The following TAF5L variants were observed in gnomAD, a reference collection of about 807,000 sequenced individuals.
The protein encoded by TAF5L is TAF5-like RNA polymerase II p300/CBP-associated factor-associated factor 65 kDa subunit 5L.
TAF5L carries 7 observed loss-of-function variants against 51.3 expected under a neutral mutation model. That is an observed-to-expected ratio of 0.14 (90% CI 0.08 to 0.26). The LOEUF (loss-of-function observed/expected upper bound fraction) is 0.26, where lower values mean the gene tolerates loss of function less well. Ranked by LOEUF, TAF5L falls within the 10% of genes least tolerant of loss-of-function variation. TAF5L has a pLI of 1.00. For missense variants in TAF5L, 575 were observed against 758.9 expected, an observed-to-expected ratio of 0.76 and a Z score of 2.85; for synonymous variants, 291 against 308.1, an observed-to-expected ratio of 0.94 and a Z score of 0.58.
chr1:229,596,971 C>G (rs3820358), intron 4 of TAF5L, among the ~76,000 whole-genome samples: 3 of 151,934 alleles, frequency 2.0e-5, no homozygotes, highest in Non-Finnish European at 2.9e-5. Flanking sequence ...ACACTGATGT[C>G]CATGAATATT....
intron 4 of TAF5L, among the ~76,000 whole-genome samples, chr1:229,598,617 T>C (rs1664222251): frequency 6.6e-6 from 1 of 151,862 alleles, no homozygotes; most frequent in South Asian, 2.1e-4. Flanking sequence ...TTGGTATCTC[T>C]GTGGTTTTGC....
chr1:229,593,230 T>C (rs535889775), exon 5 of TAF5L: 1 of 152,330 alleles, frequency 6.6e-6, no homozygotes, highest in African/African-American at 2.4e-5. Context: ...CCTCAGAGCA[T>C]AGTTTGATAT....
At chr1:229,620,873 C>T (rs1356855624) in intron 1 of TAF5L, among the ~76,000 whole-genome samples, 8 of 152,064 alleles carry the variant, frequency 5.3e-5, no homozygotes, top group Non-Finnish European at 1.0e-4. Flanking sequence ...AGGGATAAGA[C>T]GTTTTCCCAT....
intron 1 of TAF5L, among the ~76,000 whole-genome samples, chr1:229,621,824 A>G (rs1365389404): frequency 6.6e-6 from 1 of 152,230 alleles, no homozygotes; most frequent in Non-Finnish European, 1.5e-5. Context: ...GTTCATGAAT[A>G]TCTTAAACAC....
intron 1 of TAF5L, among the ~76,000 whole-genome samples, chr1:229,622,492 A>G (rs999339806): frequency 6.6e-6 from 1 of 152,242 alleles, no homozygotes; most frequent in Admixed American, 6.5e-5. Context: ...CTAAGCTTTG[A>G]GATTTGGAAT....
chr1:229,605,140 G>A (rs1664544324), intron 3 of TAF5L, among the ~76,000 whole-genome samples: 1 of 148,304 alleles, frequency 6.7e-6, no homozygotes, highest in Non-Finnish European at 1.5e-5. Context: ...TTTTTTTTTA[G>A]TAGAGATGAG....
chr1:229,602,113 T>G lies in TAF5L; in HGVS notation c.972+82A>C. The stretch of plus-strand genomic sequence containing the variant: ...TGATGAGGGAAACTAGGAAGTCCAT[T>G]CTAAGATATGTCGTGTTTGGTAAGG... On this transcript the variant is annotated intron_variant, in intron 4 of 4. Transcript: ENST00000258281. This position sits in a 1 kb window ranked among gnomAD's most constrained non-coding sequence, Gnocchi z 4.6. 6.5e-7 allele frequency: 1 copy of G among 1,539,380 alleles called. No homozygotes were observed. The highest frequency in any genetic ancestry group is 8.7e-7 in the Non-Finnish European group (1 of 1,144,412).
At chr1:229,614,408 T>C in exon 2 of TAF5L, 1 of 1,614,228 alleles carries the variant, frequency 6.2e-7, no homozygotes, top group Non-Finnish European at 8.5e-7. Context: ...GGGGACCATC[T>C]GAGTCCACGT....
At chr1:229,612,782 G>C (rs1487407352) in intron 2 of TAF5L, among the ~76,000 whole-genome samples, 1 of 152,142 alleles carries the variant, frequency 6.6e-6, no homozygotes, top group Non-Finnish European at 1.5e-5. Context: ...GCGGCTACTA[G>C]GATGGAGGAT....
chr1:229,625,624 C>T lies in TAF5L; in HGVS notation c.-4+261G>A, dbSNP rs919730540. On this transcript the variant is annotated intron_variant, in intron 1 of 4. Transcript: ENST00000258281. The surrounding 1 kb of genome is among the most constrained non-coding windows in gnomAD (Gnocchi z 4.0). Reference sequence around the variant, plus strand: ...CCTGCGCAGGAACGCGACGCCAGTCCAGGTGTAGCCGCCGACTGCAGGCCA... The same window carrying T: ...CCTGCGCAGGAACGCGACGCCAGTCTAGGTGTAGCCGCCGACTGCAGGCCA... 3.3e-5 allele frequency among the ~76,000 whole-genome samples: 5 copies of T among 151,602 alleles called. No individual in the cohort carries two copies. Among genetic ancestry groups the T allele is most frequent in the African/African-American group, 7.2e-5 (3 of 41,384 alleles).
At chr1:229,613,320 ACT>A (rs1326092522) in intron 2 of TAF5L, among the ~76,000 whole-genome samples, 1 of 130,838 alleles carries the variant, frequency 7.6e-6, no homozygotes, top group Non-Finnish European at 1.6e-5. Context: ...ATGGAGAGAG[ACT>A]CTGTCTCAAA....
rs34353010 is a variant in TAF5L at position 229,594,422 on chromosome 1, C to A, written c.1645G>T (p.Asp549Tyr). Residue 549 changes from aspartate to tyrosine, a missense_variant, in exon 5 of 5, where the codon GAC (aspartate) becomes TAC (tyrosine). Physicochemically the swap from Asp to Tyr is radical, Grantham distance 160. Transcript: ENST00000258281. The surrounding 1 kb of genome is among the most constrained non-coding windows in gnomAD (Gnocchi z 7.9). ...CCCACGAGCTCGCTGGAGGAGCCGTCGGCAGGTGCACTGCAGTAAGTGTTC... is the reference window on the plus strand; with the variant it reads ...CCCACGAGCTCGCTGGAGGAGCCGTAGGCAGGTGCACTGCAGTAAGTGTTC... 6.2e-7 allele frequency: 1 copy of A among 1,614,180 alleles called. No individual in the cohort carries two copies. The highest frequency in any genetic ancestry group is 8.5e-7 in the Non-Finnish European group (1 of 1,180,034).
intron 1 of TAF5L, among the ~76,000 whole-genome samples, chr1:229,622,059 A>C (rs1047796439): frequency 5.9e-5 from 9 of 151,460 alleles, no homozygotes; most frequent in African/African-American, 2.0e-4. Context: ...CTATCTATCT[A>C]TCTATCTATA....
rs1664035584 is a variant in TAF5L, at chr1:229,594,358, T to C, written c.1709A>G (p.Gln570Arg). 2 of 1,614,006 alleles carry C rather than the reference T, an allele frequency of 1.2e-6. No individual in the cohort carries two copies. The highest frequency in any genetic ancestry group is 1.7e-6 in the Non-Finnish European group (2 of 1,180,030). Residue 570 changes from glutamine (Q) to arginine (R), a missense_variant, in exon 5 of 5, where the codon CAG (glutamine) becomes CGG (arginine). Transcript: ENST00000258281. This position sits in a 1 kb window ranked among gnomAD's most constrained non-coding sequence, Gnocchi z 7.9. ...CAGAAGAAGGTTACAGGCCATGAACTGCACGCTCAGGACGTTGCTCATCTG... is the reference window on the plus strand; with the variant it reads ...CAGAAGAAGGTTACAGGCCATGAACCGCACGCTCAGGACGTTGCTCATCTG...
intron 3 of TAF5L, chr1:229,607,463 C>A: frequency 1.0e-6 from 1 of 985,440 alleles, no homozygotes; most frequent in South Asian, 4.7e-5. Context: ...GTCAAGCCTG[C>A]CTTTTTGCTC....
chr1:229,613,829 C>T (rs1464766684), intron 2 of TAF5L, among the ~76,000 whole-genome samples: 1 of 151,982 alleles, frequency 6.6e-6, no homozygotes, highest in East Asian at 1.9e-4. Context: ...AATCGGATTT[C>T]AAAACATTAA....
chr1:229,605,080 T>C (rs974350778), intron 3 of TAF5L, among the ~76,000 whole-genome samples: 30 of 151,290 alleles, frequency 2.0e-4, no homozygotes, highest in Non-Finnish European at 3.2e-4. Flanking sequence ...TACAGGCGTG[T>C]GACACCACGC....
intron 1 of TAF5L, among the ~76,000 whole-genome samples, chr1:229,616,943 T>C (rs1349905153): frequency 6.6e-6 from 1 of 152,222 alleles, no homozygotes; most frequent in Non-Finnish European, 1.5e-5. Flanking sequence ...AGGAACACTA[T>C]GGTTGTGAAT....
chr1:229,608,416 T>A (rs1664673798), intron 3 of TAF5L, among the ~76,000 whole-genome samples: 1 of 152,160 alleles, frequency 6.6e-6, no homozygotes, highest in African/African-American at 2.4e-5. Context: ...AAAAGGAAGT[T>A]CCATTAATTC....
Sources: gnomAD v4.1 joint callset for allele counts (sites outside exome capture counted in the v4.1 genomes callset) on GRCh38, gnomAD v4.1.1 for gene constraint, Gnocchi (gnomAD v3.1) non-coding constraint, MANE v1.5 for transcripts, NCBI Gene and HGNC (gene_info 2026-07-23, HGNC 2026-07-21) for gene names.